Variants in MGAT4C observed in about 807,000 individuals in gnomAD.
The protein encoded by MGAT4C is MGAT4 family member C.
Under a neutral mutation model 40.1 loss-of-function variants are expected in MGAT4C, and 19 were observed. The observed-to-expected ratio is 0.47, with a 90% CI of 0.33 to 0.70. The LOEUF is 0.70. Among genes scored for constraint, MGAT4C ranks in the 30% least tolerant of loss-of-function variants. The probability of loss-of-function intolerance (pLI) is 0.02; values close to 1 mark genes in which losing one functional copy is unlikely to be tolerated. For missense variants in MGAT4C, 491 were observed against 563.2 expected (o/e 0.87, Z 1.30); for synonymous variants, 181 against 187.1 (o/e 0.97, Z 0.27).
intron 1 of MGAT4C, among the ~76,000 whole-genome samples, chr12:86,196,886 G>A (rs1949833126): frequency 6.6e-6 from 1 of 151,598 alleles, no homozygotes; most frequent in Admixed American, 6.6e-5. Context: ...CACACACTTT[G>A]TCTCTCTAGA....
chr12:86,200,127 G>GTT (rs56844963), intron 1 of MGAT4C, among the ~76,000 whole-genome samples: 12,744 of 98,352 alleles, frequency 0.13, 945 homozygotes, highest in East Asian at 0.17. Context: ...GTATGTATTT[G>GTT]TTTTTTTTTT....
At chr12:86,426,874 G>A (rs985280394) in intron 3 of MGAT4C, among the ~76,000 whole-genome samples, 14 of 152,114 alleles carry the variant, frequency 9.2e-5, no homozygotes, top group East Asian at 1.9e-4. Context: ...GTGAACCCGG[G>A]AGGCAGAGCT....
At chr12:86,476,930 G>A (rs1957845247) in intron 2 of MGAT4C, among the ~76,000 whole-genome samples, 1 of 151,986 alleles carries the variant, frequency 6.6e-6, no homozygotes, top group South Asian at 2.1e-4. Flanking sequence ...ATACTACACA[G>A]GGAAATGATG....
At chr12:86,057,004 TC>T (rs796617710) in intron 1 of MGAT4C, among the ~76,000 whole-genome samples, 100 of 152,212 alleles carry the variant, frequency 6.6e-4, no homozygotes, top group African/African-American at 2.4e-3. Context: ...TTTCTGTATT[TC>T]CTTGATTTTA....
At chr12:86,140,088 A>C (rs545334468) in intron 1 of MGAT4C, among the ~76,000 whole-genome samples, 1 of 152,138 alleles carries the variant, frequency 6.6e-6, no homozygotes, top group African/African-American at 2.4e-5. Context: ...TACTGGCCTT[A>C]AATTTCTTTT....
intron 2 of MGAT4C, among the ~76,000 whole-genome samples, chr12:86,669,978 C>T (rs544286168): frequency 1.3e-5 from 2 of 151,468 alleles, no homozygotes; most frequent in South Asian, 4.2e-4. Context: ...GGGTGACAAC[C>T]CCTAAGGAGG....
At chr12:86,389,871 A>G (rs148406698) in intron 3 of MGAT4C, among the ~76,000 whole-genome samples, 3 of 152,206 alleles carry the variant, frequency 2.0e-5, no homozygotes, top group African/African-American at 7.2e-5. Flanking sequence ...TCTCTCGGGG[A>G]TACAGCATAT....
chr12:86,739,827 T>C (rs1381570776), intron 1 of MGAT4C, among the ~76,000 whole-genome samples: 1 of 150,762 alleles, frequency 6.6e-6, no homozygotes, highest in Non-Finnish European at 1.5e-5. Context: ...TGCGTGTGTG[T>C]GTATATATAT....
intron 2 of MGAT4C, among the ~76,000 whole-genome samples, chr12:86,593,124 A>T (rs1961398697): frequency 6.6e-6 from 1 of 151,572 alleles, no homozygotes; most frequent in Non-Finnish European, 1.5e-5. Context: ...GATTTTTTAT[A>T]GGAAGTTGTC....
chr12:86,508,913 T>G (rs542823783), intron 2 of MGAT4C, among the ~76,000 whole-genome samples: 1 of 151,078 alleles, frequency 6.6e-6, no homozygotes, highest in Non-Finnish European at 1.5e-5. Context: ...GTTGTTTGTT[T>G]TTTTCTTGTA....
At chr12:86,155,748 T>A (rs1884855360) in intron 1 of MGAT4C, among the ~76,000 whole-genome samples, 1 of 152,106 alleles carries the variant, frequency 6.6e-6, no homozygotes, top group African/African-American at 2.4e-5. Flanking sequence ...TCTAAACTTA[T>A]GTGTGTATGT....
intron 1 of MGAT4C, among the ~76,000 whole-genome samples, chr12:86,745,825 C>A (rs1951144548): frequency 6.6e-6 from 1 of 151,642 alleles, no homozygotes; most frequent in Non-Finnish European, 1.5e-5. Context: ...TGAATACCCC[C>A]ACATGAATCA....
intron 1 of MGAT4C, among the ~76,000 whole-genome samples, chr12:86,179,906 T>C (rs1006445836): frequency 6.6e-6 from 1 of 152,206 alleles, no homozygotes; most frequent in Admixed American, 6.5e-5. Flanking sequence ...GAAATTTGCA[T>C]AAGTAGCAAA....
chr12:86,155,721 T>C (rs1246433140), intron 1 of MGAT4C, among the ~76,000 whole-genome samples: 1 of 152,160 alleles, frequency 6.6e-6, no homozygotes, highest in Non-Finnish European at 1.5e-5. Context: ...CTATATAATT[T>C]TGTATTTGTG....
intron 1 of MGAT4C, among the ~76,000 whole-genome samples, chr12:86,740,287 TA>T (rs1197506825): frequency 6.6e-6 from 1 of 151,166 alleles, no homozygotes; most frequent in African/African-American, 2.4e-5. Flanking sequence ...TCAAAAGTTG[TA>T]AAAATAATCA....
At chr12:86,686,524 T>A (rs6538050) in intron 2 of MGAT4C, among the ~76,000 whole-genome samples, 148,923 of 152,294 alleles carry the variant, frequency 0.98, 72,880 homozygotes, top group Middle Eastern at 1. Flanking sequence ...ATACCTAGTT[T>A]TTGAGTGTTT....
intron 3 of MGAT4C, among the ~76,000 whole-genome samples, chr12:86,354,838 C>T (rs557075898): frequency 1.7e-4 from 26 of 152,214 alleles, no homozygotes; most frequent in African/African-American, 6.0e-4. Flanking sequence ...CAGACCTTCA[C>T]GGTGAGTGTT....
At chr12:86,455,846 G>T (rs117488060) in intron 2 of MGAT4C, among the ~76,000 whole-genome samples, 1,563 of 152,072 alleles carry the variant, frequency 0.01, 19 homozygotes, top group East Asian at 0.045. Flanking sequence ...GCAAGGTCTG[G>T]TGTGGTTCTT....
intron 2 of MGAT4C, among the ~76,000 whole-genome samples, chr12:86,505,097 CAGTG>C (rs1958447960): frequency 6.6e-6 from 1 of 152,036 alleles, no homozygotes; most frequent in Non-Finnish European, 1.5e-5. Context: ...AAGTATCTGC[CAGTG>C]ATAACGCCTG....
Sources: gnomAD v4.1 joint callset for allele counts (sites outside exome capture counted in the v4.1 genomes callset) on GRCh38, gnomAD v4.1.1 for gene constraint, MANE v1.5 for transcripts, NCBI Gene and HGNC (gene_info 2026-07-23, HGNC 2026-07-21) for gene names.